The following GEMIN8 variants were observed in gnomAD, a reference collection of about 807,000 sequenced individuals.
The protein encoded by GEMIN8 is gem nuclear organelle associated protein 8.
For synonymous variants in GEMIN8, 80 were observed against 78.5 expected (o/e 1.02, Z -0.10); for missense variants, 185 against 205.9 (o/e 0.90, Z 0.62).
intron 3 of GEMIN8, 39 bp from the exon 4 acceptor site, chrX:14,020,573 G>T: frequency 1.2e-6 from 1 of 847,294 alleles, no homozygotes; most frequent in Non-Finnish European, 1.7e-6. Context: ...ACACCAAAGT[G>T]TTTATTATCC....
intron 2 of GEMIN8, among the ~76,000 whole-genome samples, chrX:14,023,685 A>C (rs1271321806): frequency 8.9e-6 from 1 of 112,128 alleles, no homozygotes; most frequent in East Asian, 2.8e-4. Context: ...CCCAGGTTTT[A>C]TATTTTTATC....
chrX:13,996,407 C>T, the GEMIN8 span, among the ~76,000 whole-genome samples: 1 of 112,041 alleles, frequency 8.9e-6, no homozygotes, highest in Admixed American at 9.5e-5. Flanking sequence ...TACAGTTCCA[C>T]GTGGCTGGAG....
At chrX:13,986,719 G>A in the GEMIN8 span, among the ~76,000 whole-genome samples, 1 of 112,146 alleles carries the variant, frequency 8.9e-6, no homozygotes, top group African/African-American at 3.2e-5. Context: ...AGCAACAGGG[G>A]CTGAGAAATG....
chrX:13,988,874 A>G, the GEMIN8 span: 1 of 106,275 alleles, frequency 9.4e-6, no homozygotes, highest in Admixed American at 1.0e-4. Flanking sequence ...AAAGTTGGAA[A>G]ATGTTCAAGA....
chrX:13,990,573 C>G, the GEMIN8 span, among the ~76,000 whole-genome samples: 15 of 112,431 alleles, frequency 1.3e-4, no homozygotes, highest in Non-Finnish European at 1.5e-4. Context: ...TGCCTGCCTC[C>G]TTCACTCCTG....
the GEMIN8 span, among the ~76,000 whole-genome samples, chrX:13,994,695 T>C: frequency 8.9e-6 from 1 of 112,040 alleles, no homozygotes; most frequent in Non-Finnish European, 1.9e-5. Context: ...TACATTGTAC[T>C]CTTGTTAAAA....
chrX:14,015,376 T>C (rs1923836259), intron 4 of GEMIN8, among the ~76,000 whole-genome samples: 2 of 112,936 alleles, frequency 1.8e-5, no homozygotes, highest in Non-Finnish European at 3.7e-5. Context: ...TCATAAGTTA[T>C]TTTCCATTGA....
At chrX:13,988,600 GT>G in the GEMIN8 span, 1 of 106,968 alleles carries the variant, frequency 9.3e-6, no homozygotes, top group Non-Finnish European at 1.9e-5. Flanking sequence ...TTAGCAAGTG[GT>G]CAAACTTGTC....
At chrX:14,015,550 T>C (rs1569357725) in intron 4 of GEMIN8, among the ~76,000 whole-genome samples, 3 of 111,922 alleles carry the variant, frequency 2.7e-5, no homozygotes, top group Non-Finnish European at 5.6e-5. Context: ...TGAGTAGCAA[T>C]CACAAAAAAG....
intron 4 of GEMIN8, chrX:14,013,855 A>C (rs1923730208): frequency 5.4e-6 from 2 of 367,603 alleles, no homozygotes; most frequent in Admixed American, 9.3e-5. Flanking sequence ...AGGCTAATAC[A>C]AGGGTTAATA....
intron 4 of GEMIN8, among the ~76,000 whole-genome samples, chrX:14,011,516 C>CTTTT (rs575651297): frequency 3.3e-5 from 2 of 60,401 alleles, no homozygotes; most frequent in African/African-American, 6.9e-5. Flanking sequence ...CTATGGCTCT[C>CTTTT]TTTTTTTTTT....
chrX:13,984,527 C>T, the GEMIN8 span, among the ~76,000 whole-genome samples: 1 of 112,044 alleles, frequency 8.9e-6, no homozygotes, highest in East Asian at 2.8e-4. Context: ...CATTGCAATG[C>T]TAGAGTTGTG....
At chrX:13,989,499 A>C in the GEMIN8 span, among the ~76,000 whole-genome samples, 1 of 112,701 alleles carries the variant, frequency 8.9e-6, no homozygotes, top group Admixed American at 9.4e-5. Flanking sequence ...CCAACTCACA[A>C]ACTCAAGCCC....
At chrX:14,014,849 T>A (rs1035701912) in intron 4 of GEMIN8, among the ~76,000 whole-genome samples, 8 of 111,350 alleles carry the variant, frequency 7.2e-5, no homozygotes, top group Non-Finnish European at 1.5e-4. Flanking sequence ...GGGAGTGAAC[T>A]AAGTCCTTTT....
chrX:14,018,766 C>CTT (rs58528171), intron 4 of GEMIN8, among the ~76,000 whole-genome samples: 32 of 91,851 alleles, frequency 3.5e-4, no homozygotes, highest in African/African-American at 6.0e-4. Flanking sequence ...CTTTTCTTTT[C>CTT]TTTTTTTTTT....
the GEMIN8 span, among the ~76,000 whole-genome samples, chrX:13,993,439 T>A: frequency 2.1e-5 from 2 of 94,543 alleles, no homozygotes; most frequent in Non-Finnish European, 2.1e-5. Context: ...TTGTTGTGTA[T>A]ACTTTTTTTT....
the GEMIN8 span, among the ~76,000 whole-genome samples, chrX:13,997,236 G>A: frequency 1.8e-5 from 2 of 111,199 alleles, no homozygotes; most frequent in South Asian, 3.8e-4. Flanking sequence ...CACCGTGCCC[G>A]GCTGGCTTGT....
At chrX:14,023,824 G>A (rs767143271) in intron 2 of GEMIN8, among the ~76,000 whole-genome samples, 2 of 112,401 alleles carry the variant, frequency 1.8e-5, no homozygotes, top group East Asian at 5.5e-4. Flanking sequence ...GAAAAGTCTA[G>A]GAGACATCTG....
intron 2 of GEMIN8, among the ~76,000 whole-genome samples, chrX:14,025,249 T>C (rs1178522912): frequency 2.7e-5 from 3 of 110,505 alleles, no homozygotes; most frequent in Non-Finnish European, 5.7e-5. Flanking sequence ...ATGCCAGCAA[T>C]TTTTTTTCAG....
Sources: gnomAD v4.1 joint callset for allele counts (sites outside exome capture counted in the v4.1 genomes callset) on GRCh38, gnomAD v4.1.1 for gene constraint, MANE v1.5 for transcripts, NCBI Gene and HGNC (gene_info 2026-07-23, HGNC 2026-07-21) for gene names.